GPR162: variants seen among roughly 807,000 people sequenced by gnomAD.
GPR162 encodes the protein G protein-coupled receptor 162.
GPR162 carries 26 observed loss-of-function variants against 44.9 expected under a neutral mutation model. The ratio of observed to expected loss-of-function variants is 0.58; its 90% CI spans 0.42 to 0.80. GPR162 has a LOEUF of 0.80. Ranked by LOEUF, GPR162 falls within the 30% of genes least tolerant of loss-of-function variation. The pLI is 0.00. For missense variants in GPR162, 704 were observed against 802.3 expected, an observed-to-expected ratio of 0.88 and a Z score of 1.48; for synonymous variants, 363 against 335.2, an observed-to-expected ratio of 1.08 and a Z score of -0.91.
intron 4 of GPR162, 121 bp from the exon 5 acceptor site, chr12:6,826,532 C>A: frequency 8.9e-7 from 1 of 1,118,834 alleles, no homozygotes; most frequent in South Asian, 1.5e-5. Context: ...CCAGGTTTGC[C>A]CACCGGAGCA....
rs367712836 is a variant in GPR162, at chr12:6,826,876, G to A, written c.1439G>A (p.Arg480His). The A allele has an allele frequency of 7.2e-5, 116 of 1,613,062 alleles. No individual in the cohort carries two copies. Among genetic ancestry groups the A allele is most frequent in the African/African-American group, 2.3e-4 (17 of 74,884 alleles). Residue 480 changes from arginine (R) to histidine (H), a missense_variant, in exon 5 of 5, where the codon CGC (arginine) becomes CAC (histidine). By Grantham distance (29) the Arg-to-His change is conservative. This residue lies in a region of GPR162 where 404 missense variants were observed against 314.1 expected (regional missense o/e 1.29). Transcript: ENST00000311268. ...EAEGGGLASL[R>H]QFLESGVLGS... ...GAAGGTGGGGGGCTGGCCAGCCTTC[G>A]CCAATTCTTGGAGAGTGGGGTTCTG...
Position 6,823,796 on chromosome 12 carries a change from GC to G in GPR162, c.-102del, listed in dbSNP as rs1555119529. On this transcript the variant is annotated 5_prime_UTR_variant, in exon 2 of 5. It removes the in-frame stop codon of an upstream open reading frame in the 5' UTR. Transcript: ENST00000311268. Reference sequence around the variant, plus strand: ...TGGGGGCAGCCTGCCTGCTGACAGGGCGAGGATTGTGGGGATCATGGGAGTG... The same window carrying G: ...TGGGGGCAGCCTGCCTGCTGACAGGGGAGGATTGTGGGGATCATGGGAGTG... 1 of 1,612,226 alleles carries G rather than the reference GC, an allele frequency of 6.2e-7. No individual in the cohort carries two copies. Among genetic ancestry groups the G allele is most frequent in the Non-Finnish European group, 8.5e-7 (1 of 1,179,006 alleles).
Position 6,823,915 on chromosome 12 carries a change from C to T in GPR162, c.17C>T (p.Ala6Val), listed in dbSNP as rs922266534. Residue 6 changes from alanine (A) to valine (V), a missense_variant, in exon 2 of 5, where the codon GCG becomes GTG. By Grantham distance (64) the Ala-to-Val change is moderately conservative (BLOSUM62 0). Around this residue, in one of 6 missense-constraint regions of GPR162, gnomAD observed 30 missense variants for 31.8 expected, o/e 0.94. Transcript: ENST00000311268. ...GAGGATAGGATGGCTCGGGGCGGGG[C>T]GGGGGCAGAGGAGGCCTCCCTGCGC... MARGG[A>V]GAEEASLRSN... The T allele has an allele frequency of 4.9e-5, 77 of 1,557,528 alleles. No individual in the cohort carries two copies. Among genetic ancestry groups the T allele is most frequent in the Non-Finnish European group, 6.2e-5 (71 of 1,149,362 alleles).
chr12:6,823,833 G>A lies in GPR162; in HGVS notation c.-66G>A, dbSNP rs1254031166. On this transcript the variant is annotated 5_prime_UTR_variant, in exon 2 of 5. Transcript: ENST00000311268. ...GGGATCATGGGAGTGTTTGTGAGTGGGGCTCCTGGGTGAGACCTAGCCCCC... is the reference window on the plus strand; with the variant it reads ...GGGATCATGGGAGTGTTTGTGAGTGAGGCTCCTGGGTGAGACCTAGCCCCC... The A allele has an allele frequency of 3.1e-6, 5 of 1,598,300 alleles. No individual in the cohort carries two copies. Among genetic ancestry groups the A allele is most frequent in the Non-Finnish European group, 4.3e-6 (5 of 1,171,102 alleles).
In GPR162 at chr12:6,824,544, G is replaced by A. The variant is rs1943325396; in HGVS notation, c.646G>A (p.Ala216Thr). The A allele has an allele frequency of 1.9e-6, 3 of 1,607,046 alleles. No homozygotes were observed. Among genetic ancestry groups the A allele is most frequent in the Non-Finnish European group, 2.6e-6 (3 of 1,175,880 alleles). Reference sequence around the variant, plus strand: ...GGCCCGGCCCCGGAGGGCTCGGCAGGCCCGGAGAGTGGGGGGTGGTGGGGG... The same window carrying A: ...GGCCCGGCCCCGGAGGGCTCGGCAGACCCGGAGAGTGGGGGGTGGTGGGGG... ...LWARPRRARQARRVGGGGGTK... is the reference protein window; with the variant it reads ...LWARPRRARQTRRVGGGGGTK... The change falls in exon 2 of 5, where the codon GCC becomes ACC. Residue 216 changes from alanine to threonine, a missense_variant. By Grantham distance (58) the Ala-to-Thr change is moderately conservative. This residue lies in a region of GPR162 where 56 missense variants were observed against 47.2 expected (regional missense o/e 1.19). Transcript: ENST00000311268.
chr12:6,824,456 G>A lies in GPR162; in HGVS notation c.558G>A (p.Leu186=). ...GCTTTGGCGTTTGCTTCAGCCTCTT[G>A]CTACTTGGGGGAATTGTCATGGGTC... The part of the protein sequence containing the change: ...GLGFGVCFSL[L]LLGGIVMGLV... Residue 186 remains leucine, a synonymous_variant, in exon 2 of 5, where the codon TTG becomes TTA. Coordinates refer to ENST00000311268, the MANE Select transcript of GPR162 (RefSeq NM_019858.2). 6.2e-7 allele frequency: 1 copy of A among 1,614,086 alleles called. No individual in the cohort carries two copies. Among genetic ancestry groups the A allele is most frequent in the Non-Finnish European group, 8.5e-7 (1 of 1,180,000 alleles).
In GPR162 at chr12:6,827,038, C is replaced by A. The variant is rs1234550394; in HGVS notation, c.1601C>A (p.Ser534Ter). 2 of 1,613,378 alleles carry A rather than the reference C, an allele frequency of 1.2e-6. No homozygotes were observed. The highest frequency in any genetic ancestry group is 1.7e-6 in the Non-Finnish European group (2 of 1,180,038). The change falls in exon 5 of 5, where the codon TCA (serine) becomes TAA (stop). Residue 534 changes from serine to a stop codon, truncating the protein, a stop_gained. Coordinates refer to ENST00000311268, the MANE Select transcript of GPR162 (RefSeq NM_019858.2). LOFTEE classifies it high-confidence loss of function. ...CGTCGGCCCCGGCCACTGGGCCTCT[C>A]ACCCCGCCGACTCTCCCTTGGGTCC... Reference protein sequence around the residue: ...SPRRPRPLGLSPRRLSLGSPE... With the variant: ...SPRRPRPLGL
At position 6,823,604 on chromosome 12, in the gene GPR162, G is replaced by C; in HGVS notation, c.-295G>C. 2 of 604,230 alleles carry C rather than the reference G, an allele frequency of 3.3e-6. No homozygotes were observed. Among genetic ancestry groups the C allele is most frequent in the Non-Finnish European group, 5.7e-6 (2 of 353,106 alleles). The allele number at this position is 604,230 out of a possible 1,614,324, so 37.4% of individuals were successfully genotyped here. A position where few individuals can be genotyped will look rare whatever the true frequency, so the allele number is the denominator to read the frequency against. Reference sequence around the variant, plus strand: ...AACCCCCCAGCCAGCCTCATAGTTGGGAAAGTAGCCAGCTTGCCTGCCCCA... The same window carrying C: ...AACCCCCCAGCCAGCCTCATAGTTGCGAAAGTAGCCAGCTTGCCTGCCCCA... On this transcript the variant is annotated 5_prime_UTR_variant, in exon 2 of 5. Transcript: ENST00000311268.
chr12:6,822,886 T>C lies in GPR162; in HGVS notation c.-431-582T>C, dbSNP rs894155168. ...TCTTTCCATTTCTGGATGCTTCTGATGTCAGCGGTTTCCCCGCCTTCAGGT... is the reference window on the plus strand; with the variant it reads ...TCTTTCCATTTCTGGATGCTTCTGACGTCAGCGGTTTCCCCGCCTTCAGGT... On this transcript the variant is annotated intron_variant, in intron 1 of 4. Transcript: ENST00000311268. The surrounding 1 kb of genome is among the most constrained non-coding windows in gnomAD (Gnocchi z 4.2). Among the ~76,000 whole-genome samples, 1 of 152,228 alleles carries C rather than the reference T, an allele frequency of 6.6e-6. No individual in the cohort carries two copies. The highest frequency in any genetic ancestry group is 1.5e-5 in the Non-Finnish European group (1 of 68,036).
Position 6,826,788 on chromosome 12 carries a change from G to A in GPR162, c.1351G>A (p.Gly451Ser), listed in dbSNP as rs1337511133. 22 of 1,609,506 alleles carry A rather than the reference G, an allele frequency of 1.4e-5. No homozygotes were observed. Among genetic ancestry groups the A allele is most frequent in the East Asian group, 2.2e-5 (1 of 44,848 alleles). ...VLPAQSRALG[G>S]PPEYLGQRHR... Reference sequence around the variant, plus strand: ...CCCAGCCCAGAGCCGGGCCCTCGGGGGTCCTCCTGAGTACCTGGGACAAAG... The same window carrying A: ...CCCAGCCCAGAGCCGGGCCCTCGGGAGTCCTCCTGAGTACCTGGGACAAAG... The change falls in exon 5 of 5, where the codon GGT becomes AGT. Residue 451 changes from glycine to serine, a missense_variant. Around this residue, in one of 6 missense-constraint regions of GPR162, gnomAD observed 404 missense variants for 314.1 expected, o/e 1.29. Transcript: ENST00000311268.
chr12:6,824,524 G>A lies in GPR162; in HGVS notation c.626G>A (p.Arg209Gln), dbSNP rs782119914. The A allele has an allele frequency of 1.2e-5, 20 of 1,610,308 alleles. No individual in the cohort carries two copies. The South Asian group carries it at 1.3e-4, about 11-fold the overall frequency. Residue 209 changes from arginine (R) to glutamine (Q), a missense_variant, in exon 2 of 5, where the codon CGG becomes CAG. This residue lies in a region of GPR162 where 56 missense variants were observed against 47.2 expected (regional missense o/e 1.19). Transcript: ENST00000311268. ...ACCTTCTACCAGACACTGTGGGCCCGGCCCCGGAGGGCTCGGCAGGCCCGG... is the reference window on the plus strand; with the variant it reads ...ACCTTCTACCAGACACTGTGGGCCCAGCCCCGGAGGGCTCGGCAGGCCCGG... ...AITFYQTLWA[R>Q]PRRARQARRV...
chr12:6,824,599 G>C lies in GPR162; in HGVS notation c.701G>C (p.Gly234Ala). ...GTKAGGPGALGTRPAFEVPAI... is the reference protein window; with the variant it reads ...GTKAGGPGALATRPAFEVPAI... ...AAAGCGGGTGGGCCAGGGGCCTTGGGTACCCGGCCAGCTTTTGAGGTACCA... is the reference window on the plus strand; with the variant it reads ...AAAGCGGGTGGGCCAGGGGCCTTGGCTACCCGGCCAGCTTTTGAGGTACCA... The change falls in exon 2 of 5, where the codon GGT becomes GCT. Residue 234 changes from glycine (G) to alanine (A), a missense_variant. Coordinates refer to ENST00000311268, the MANE Select transcript of GPR162 (RefSeq NM_019858.2). 6.2e-7 allele frequency: 1 copy of C among 1,610,434 alleles called. No individual in the cohort carries two copies.
In GPR162 at chr12:6,827,293, C is replaced by G; in HGVS notation, c.*89C>G. ...AGAGTAGGGCAGCTGCCTCCAGACTCTGGGGAGACGGGCGCTAGATTTGGG... is the reference window on the plus strand; with the variant it reads ...AGAGTAGGGCAGCTGCCTCCAGACTGTGGGGAGACGGGCGCTAGATTTGGG... On this transcript the variant is annotated 3_prime_UTR_variant, in exon 5 of 5. Coordinates refer to ENST00000311268, the MANE Select transcript of GPR162 (RefSeq NM_019858.2). The G allele has an allele frequency of 9.9e-6, 11 of 1,113,014 alleles. No homozygotes were observed. The highest frequency in any genetic ancestry group is 1.4e-5 in the Non-Finnish European group (11 of 790,676). The allele number at this position is 1,113,014 out of a possible 1,614,324, so 68.9% of individuals were successfully genotyped here. A position where few individuals can be genotyped will look rare whatever the true frequency, so the allele number is the denominator to read the frequency against.
chr12:6,824,303 G>C lies in GPR162; in HGVS notation c.405G>C (p.Leu135=). ...YRLSNAKKQA[L]HAVMGIWMVS... ...TCAGCAACGCCAAGAAGCAGGCACT[G>C]CATGCCGTCATGGGCATCTGGATGG... The change falls in exon 2 of 5, where the codon CTG becomes CTC. Residue 135 remains leucine (L), a synonymous_variant. Coordinates refer to ENST00000311268, the MANE Select transcript of GPR162 (RefSeq NM_019858.2). The C allele has an allele frequency of 6.2e-7, 1 of 1,614,038 alleles. No homozygotes were observed. Among genetic ancestry groups the C allele is most frequent in the Non-Finnish European group, 8.5e-7 (1 of 1,179,976 alleles).
rs11829631 is a variant in GPR162, at chr12:6,826,147, G to A, written c.1058-49G>A. 1.8e-3 allele frequency: 2,631 copies of A among 1,483,548 alleles called. 50 individuals carry two copies. The African/African-American group carries it at 0.031, about 17-fold the overall frequency. 91.9% of individuals were successfully genotyped at this position (1,483,548 alleles called of 1,614,324 possible). On this transcript the variant is annotated intron_variant, in intron 3 of 4. Coordinates refer to ENST00000311268, the MANE Select transcript of GPR162 (RefSeq NM_019858.2). ...CTTATAAAGGCAGTGGTGGGAGGCC[G>A]CGGTAGGCATTCCCTACCTGTAACC...
At chr12:6,826,520 G>A (rs1219253358) in intron 4 of GPR162, 133 bp from the exon 5 acceptor site, 2 of 1,072,704 alleles carry the variant, frequency 1.9e-6, no homozygotes, top group Non-Finnish European at 2.7e-6. Flanking sequence ...GACCTCGTGG[G>A]GCCAGGTTTG....
At chr12:6,823,248 G>A (rs1943306728) in intron 1 of GPR162, among the ~76,000 whole-genome samples, 1 of 152,212 alleles carries the variant, frequency 6.6e-6, no homozygotes, top group Non-Finnish European at 1.5e-5. Context: ...AGGGAGGTGG[G>A]AATACCTTCT....
In GPR162 at chr12:6,827,044, G is replaced by T. The variant is rs140779117; in HGVS notation, c.1607G>T (p.Arg536Leu). ...CCCCGGCCACTGGGCCTCTCACCCC[G>T]CCGACTCTCCCTTGGGTCCCCTGAG... ...RRPRPLGLSPRRLSLGSPESR... is the reference protein window; with the variant it reads ...RRPRPLGLSPLRLSLGSPESR... Residue 536 changes from arginine (R) to leucine (L), a missense_variant, in exon 5 of 5, where the codon CGC (arginine) becomes CTC (leucine). Coordinates refer to ENST00000311268, the MANE Select transcript of GPR162 (RefSeq NM_019858.2). 8 of 1,613,348 alleles carry T rather than the reference G, an allele frequency of 5.0e-6. No individual in the cohort carries two copies. The highest frequency in any genetic ancestry group is 2.2e-5 in the South Asian group (2 of 91,084).
chr12:6,826,577 C>T lies in GPR162; in HGVS notation c.1216-76C>T, dbSNP rs1943359214. 3 of 1,339,256 alleles carry T rather than the reference C, an allele frequency of 2.2e-6. No individual in the cohort carries two copies. In the Admixed American group the frequency reaches 7.0e-5, roughly 31 times the overall value. The allele number at this position is 1,339,256 out of a possible 1,614,324, so 83.0% of individuals were successfully genotyped here. A position where few individuals can be genotyped will look rare whatever the true frequency, so the allele number is the denominator to read the frequency against. The stretch of plus-strand genomic sequence containing the variant: ...AAGGTTAAGAAGGTGGCACCATCTT[C>T]CGGAGTCCCCACTTGGTTCCTGCCT... On this transcript the variant is annotated intron_variant, in intron 4 of 4. Coordinates refer to ENST00000311268, the MANE Select transcript of GPR162 (RefSeq NM_019858.2).
Sources: allele counts gnomAD v4.1 joint callset (sites outside exome capture counted in the v4.1 genomes callset), GRCh38; gene constraint gnomAD v4.1.1; regional missense constraint gnomAD v4.1.1; non-coding constraint Gnocchi (gnomAD v3.1); transcripts MANE v1.5; gene names NCBI Gene and HGNC (gene_info 2026-07-23, HGNC 2026-07-21).